Variants in LTBP1 observed in about 807,000 individuals in gnomAD.
LTBP1 encodes latent transforming growth factor beta binding protein 1.
LTBP1 carries 129 observed loss-of-function variants against 207.6 expected under a neutral mutation model. That is an observed-to-expected ratio of 0.62 (90% CI 0.54 to 0.72). The LOEUF (loss-of-function observed/expected upper bound fraction) is 0.72, where lower values mean the gene tolerates loss of function less well. LTBP1 is among the 30% of genes least tolerant of loss of function. LTBP1 has a pLI of 0.00. For synonymous variants in LTBP1, 963 were observed against 833.7 expected (o/e 1.16, Z -2.67); for missense variants, 2,281 against 2,217.2 (o/e 1.03, Z -0.58).
intron 2 of LTBP1, among the ~76,000 whole-genome samples, chr2:32,956,629 G>A (rs931210246): frequency 6.6e-6 from 1 of 152,148 alleles, no homozygotes; most frequent in Non-Finnish European, 1.5e-5. Context: ...GCTGGAATCA[G>A]CTTCTTCCAA....
chr2:33,250,211 G>A (rs1041673080), intron 10 of LTBP1, among the ~76,000 whole-genome samples: 1 of 152,176 alleles, frequency 6.6e-6, no homozygotes, highest in African/African-American at 2.4e-5. Flanking sequence ...TAAAATAGGG[G>A]CAGTTTTAAA....
At chr2:33,270,485 G>A (rs925565564) in intron 15 of LTBP1, among the ~76,000 whole-genome samples, 1 of 151,338 alleles carries the variant, frequency 6.6e-6, no homozygotes, top group African/African-American at 2.4e-5. Context: ...AGCTACTTGG[G>A]AGGCTGAGGC....
chr2:33,088,727 G>A (rs941836827), intron 3 of LTBP1, among the ~76,000 whole-genome samples: 1 of 152,188 alleles, frequency 6.6e-6, no homozygotes, highest in Non-Finnish European at 1.5e-5. Context: ...AGAAATGAAT[G>A]TAGATCTTTA....
Position 33,240,737 on chromosome 2 carries a change from A to G in LTBP1, c.1877-2925A>G, listed in dbSNP as rs1252968117. Among the ~76,000 whole-genome samples the G allele has an allele frequency of 3.0e-5, 4 of 133,688 alleles. 1 individual carries two copies. Among genetic ancestry groups the G allele is most frequent in the South Asian group, 4.5e-4 (2 of 4,434 alleles). 87.7% of individuals were successfully genotyped at this position (133,688 alleles called of 152,430 possible). A position where few individuals can be genotyped will look rare whatever the true frequency, so the allele number is the denominator to read the frequency against. The stretch of plus-strand genomic sequence containing the variant: ...GCGATCTCGGCTCACTCCAAGCTCC[A>G]CCTCTCAGGTTCACGCCATTCTCCT... On this transcript the variant is annotated intron_variant, in intron 9 of 33. Coordinates refer to ENST00000404816, the MANE Select transcript of LTBP1 (RefSeq NM_206943.4).
At position 32,968,917 on chromosome 2, in the gene LTBP1, A is replaced by AT. The variant is rs61065758; in HGVS notation, c.565+19988dup. Among the ~76,000 whole-genome samples the AT allele has an allele frequency of 2.5e-3, 266 of 107,308 alleles. 9 individuals carry two copies. Among genetic ancestry groups the AT allele is most frequent in the African/African-American group, 6.6e-3 (178 of 26,862 alleles). The allele number at this position is 107,308 out of a possible 152,430, so 70.4% of individuals were successfully genotyped here. A position where few individuals can be genotyped will look rare whatever the true frequency, so the allele number is the denominator to read the frequency against. ...TTTTTTCTTTAGTGTGTGTGTGTGT[A>AT]TTTTTTTTTTTTTTTTGAGGCGGTG... On this transcript the variant is annotated intron_variant, in intron 2 of 33. Coordinates refer to ENST00000404816, the MANE Select transcript of LTBP1 (RefSeq NM_206943.4).
intron 3 of LTBP1, among the ~76,000 whole-genome samples, chr2:33,074,114 CTG>C (rs1355723702): frequency 6.6e-6 from 1 of 152,190 alleles, no homozygotes; most frequent in Non-Finnish European, 1.5e-5. Context: ...TCGTCCGAAA[CTG>C]TATAATTGAG....
chr2:32,954,394 CTGAAGGCAGT>C (rs1677701646), intron 2 of LTBP1, among the ~76,000 whole-genome samples: 1 of 152,192 alleles, frequency 6.6e-6, no homozygotes, highest in Non-Finnish European at 1.5e-5. Flanking sequence ...TTACTTCCTT[CTGAAGGCAGT>C]TCTAGGCCTC....
chr2:33,257,235 T>A (rs1298432465), intron 11 of LTBP1, 49 bp from the exon 12 acceptor site: 1 of 1,388,030 alleles, frequency 7.2e-7, no homozygotes, highest in Admixed American at 1.7e-5. Flanking sequence ...TCTGTATAAG[T>A]TTGCACTGTT....
intron 3 of LTBP1, among the ~76,000 whole-genome samples, chr2:33,059,996 A>G (rs1290345346): frequency 1.3e-5 from 2 of 152,256 alleles, no homozygotes; most frequent in African/African-American, 4.8e-5. Flanking sequence ...AGTTTGGAAT[A>G]AGAAATCCAA....
chr2:33,290,286 A>G (rs1468463650), intron 19 of LTBP1, among the ~76,000 whole-genome samples: 3 of 152,190 alleles, frequency 2.0e-5, no homozygotes, highest in Non-Finnish European at 4.4e-5. Context: ...AAGCCTCAAC[A>G]TGAGTTTTAG....
At chr2:33,299,465 C>T (rs2148966842) in intron 20 of LTBP1, among the ~76,000 whole-genome samples, 1 of 152,270 alleles carries the variant, frequency 6.6e-6, no homozygotes, top group African/African-American at 2.4e-5. Flanking sequence ...GATTAGGGCT[C>T]CTTTCTCCTC....
chr2:33,270,402 A>T (rs577622399), intron 15 of LTBP1, among the ~76,000 whole-genome samples: 3 of 151,924 alleles, frequency 2.0e-5, no homozygotes, highest in Non-Finnish European at 2.9e-5. Flanking sequence ...ATCCTGGTTA[A>T]CACGATGAAA....
chr2:33,367,651 G>T (rs1343039162), intron 31 of LTBP1, among the ~76,000 whole-genome samples: 1 of 152,150 alleles, frequency 6.6e-6, no homozygotes, highest in Non-Finnish European at 1.5e-5. Flanking sequence ...GTGACCTCCA[G>T]TTCCGCCCAT....
chr2:33,092,797 G>A (rs1235545084), intron 3 of LTBP1, among the ~76,000 whole-genome samples: 3 of 152,110 alleles, frequency 2.0e-5, no homozygotes, highest in African/African-American at 7.2e-5. Context: ...CCTCCAAAAA[G>A]TCCCCATTTC....
intron 7 of LTBP1, among the ~76,000 whole-genome samples, chr2:33,191,298 T>C (rs529699187): frequency 2.8e-4 from 43 of 152,340 alleles, no homozygotes; most frequent in Admixed American, 2.0e-3. Context: ...AATTGGCTAA[T>C]TGATGGAGTT....
intron 29 of LTBP1, 82 bp from the exon 30 acceptor site, chr2:33,364,134 T>C (rs2094956968): frequency 1.5e-6 from 2 of 1,371,850 alleles, no homozygotes; most frequent in Middle Eastern, 1.9e-4. Flanking sequence ...GGACTAAATA[T>C]AGCAATGTGT....
chr2:33,098,876 A>G (rs1296065692), intron 3 of LTBP1, among the ~76,000 whole-genome samples: 1 of 152,222 alleles, frequency 6.6e-6, no homozygotes, highest in Admixed American at 6.5e-5. Flanking sequence ...GGAACTGTAG[A>G]GGCACTACCT....
intron 7 of LTBP1, among the ~76,000 whole-genome samples, chr2:33,207,155 G>T (rs1018959154): frequency 2.6e-4 from 39 of 152,172 alleles, no homozygotes; most frequent in African/African-American, 7.2e-4. Context: ...CTTTTCTTTA[G>T]AAAAGATGTC....
intron 2 of LTBP1, 83 bp from the exon 3 acceptor site, chr2:33,020,826 G>A: frequency 7.5e-7 from 1 of 1,327,532 alleles, no homozygotes; most frequent in Non-Finnish European, 1.0e-6. Flanking sequence ...CAAACAACCT[G>A]ATGCTACTGT....
Sources: allele counts gnomAD v4.1 joint callset (sites outside exome capture counted in the v4.1 genomes callset), GRCh38; gene constraint gnomAD v4.1.1; transcripts MANE v1.5; gene names NCBI Gene and HGNC (gene_info 2026-07-23, HGNC 2026-07-21).